Variants in PLPP1 observed in about 807,000 individuals in gnomAD.
The protein encoded by PLPP1 is phospholipid phosphatase 1.
PLPP1 carries 24 observed loss-of-function variants against 31.2 expected under a neutral mutation model. The ratio of observed to expected loss-of-function variants is 0.77; its 90% CI spans 0.56 to 1.08. PLPP1 has a LOEUF of 1.08. Ranked by LOEUF, PLPP1 falls within the 50% of genes least tolerant of loss-of-function variation. The pLI is 0.00. For synonymous variants in PLPP1, 146 were observed against 126.3 expected (o/e 1.16, Z -1.05); for missense variants, 319 against 342.7 (o/e 0.93, Z 0.55).
At chr5:55,429,449 C>T (rs1452818609) in intron 4 of PLPP1, among the ~76,000 whole-genome samples, 1 of 152,032 alleles carries the variant, frequency 6.6e-6, no homozygotes, top group Non-Finnish European at 1.5e-5. Context: ...TGGGGAGGCT[C>T]CCCCATGCTG....
chr5:55,471,202 A>AT (rs113348948), intron 2 of PLPP1, among the ~76,000 whole-genome samples: 2,615 of 139,596 alleles, frequency 0.019, 42 homozygotes, highest in African/African-American at 0.051. Flanking sequence ...ATCAGATCAG[A>AT]TTTTTTTTTT....
chr5:55,478,431 C>A (rs913929130), intron 1 of PLPP1, among the ~76,000 whole-genome samples: 10 of 151,956 alleles, frequency 6.6e-5, no homozygotes, highest in African/African-American at 2.2e-4. Flanking sequence ...TCTGAATGTT[C>A]GAAAGAAAAG....
Position 55,525,770 on chromosome 5 carries a change from C to A in PLPP1, c.58+8802G>T, listed in dbSNP as rs1740412093. ...AAGTACAGTGGGGAGGAAGGAATGA[C>A]AATGAAAAAGAAGGTAAAAGGAGAA... On this transcript the variant is annotated intron_variant, in intron 1 of 5. Transcript: ENST00000307259. Among the ~76,000 whole-genome samples the A allele has an allele frequency of 6.6e-5, 10 of 151,312 alleles. 2 individuals carry two copies. The South Asian group carries it at 1.9e-3, about 28-fold the overall frequency.
At chr5:55,518,463 T>C (rs1193894635) in intron 1 of PLPP1, among the ~76,000 whole-genome samples, 2 of 152,142 alleles carry the variant, frequency 1.3e-5, no homozygotes, top group Non-Finnish European at 2.9e-5. Context: ...CCGGCCTTTT[T>C]TCATTTTTTA....
At chr5:55,524,020 C>A (rs1283911173) in intron 1 of PLPP1, among the ~76,000 whole-genome samples, 1 of 152,150 alleles carries the variant, frequency 6.6e-6, no homozygotes, top group African/African-American at 2.4e-5. Flanking sequence ...CAGCTCCTAG[C>A]ATTGTATTAC....
intron 2 of PLPP1, among the ~76,000 whole-genome samples, chr5:55,468,627 C>A (rs909128299): frequency 1.3e-5 from 2 of 152,006 alleles, no homozygotes; most frequent in Admixed American, 6.6e-5. Context: ...CATGGTAAAA[C>A]CCTGTCTCTA....
At chr5:55,505,729 T>C (rs1024579022) in intron 1 of PLPP1, among the ~76,000 whole-genome samples, 7 of 152,134 alleles carry the variant, frequency 4.6e-5, no homozygotes, top group Non-Finnish European at 1.5e-5. Context: ...AAATACCACA[T>C]GAAAATTGTA....
intron 1 of PLPP1, among the ~76,000 whole-genome samples, chr5:55,532,589 ATT>A (rs1389189869): frequency 6.6e-6 from 1 of 152,188 alleles, no homozygotes; most frequent in Non-Finnish European, 1.5e-5. Flanking sequence ...ATGAAAGGTA[ATT>A]TTTTGTTGCA....
At chr5:55,518,124 C>T (rs547065288) in intron 1 of PLPP1, among the ~76,000 whole-genome samples, 21 of 152,282 alleles carry the variant, frequency 1.4e-4, no homozygotes, top group African/African-American at 1.2e-4. Flanking sequence ...TGGGCCACCG[C>T]ACCCAGCCCT....
rs145109210 is a variant in PLPP1 at position 55,474,372 on chromosome 5, G to C, written c.210+927C>G. Among the ~76,000 whole-genome samples the C allele has an allele frequency of 1.3e-3, 203 of 152,272 alleles. 2 individuals carry two copies. In the Middle Eastern group the frequency reaches 0.024, roughly 18 times the overall value. ...CAGCAGAGCCATGCAGTGGAAGCAT[G>C]CTGGAACCATAATATTACAAGCTAT... On this transcript the variant is annotated intron_variant, in intron 2 of 5. Transcript: ENST00000307259.
chr5:55,473,965 A>C (rs1357556540), intron 2 of PLPP1, among the ~76,000 whole-genome samples: 1 of 144,574 alleles, frequency 6.9e-6, no homozygotes, highest in Non-Finnish European at 1.5e-5. Context: ...CACCACATCC[A>C]CCATATTTTC....
chr5:55,495,132 CAAAAAAAAA>C (rs36000140), intron 1 of PLPP1, among the ~76,000 whole-genome samples: 1 of 114,198 alleles, frequency 8.8e-6, no homozygotes, highest in East Asian at 2.5e-4. Context: ...ACTCTGTCTC[CAAAAAAAAA>C]AAAAAAAAAT....
At chr5:55,502,947 T>C (rs1753178252) in intron 1 of PLPP1, among the ~76,000 whole-genome samples, 1 of 152,182 alleles carries the variant, frequency 6.6e-6, no homozygotes, top group Admixed American at 6.5e-5. Context: ...CGCCTTCATG[T>C]AAAGGGAAGC....
chr5:55,514,483 T>G (rs1216911703), intron 1 of PLPP1, among the ~76,000 whole-genome samples: 1 of 152,202 alleles, frequency 6.6e-6, no homozygotes, highest in Non-Finnish European at 1.5e-5. Flanking sequence ...AAAAAAAATT[T>G]TAAATCTTAA....
chr5:55,467,974 T>C lies in PLPP1; in HGVS notation c.386A>G (p.His129Arg). ...ATCTGGATCACAAACATCCAAGAAGTGAGGCCGCAGTCTGCCTATTGAATA... is the reference window on the plus strand; with the variant it reads ...ATCTGGATCACAAACATCCAAGAAGCGAGGCCGCAGTCTGCCTATTGAATA... The part of the protein sequence containing the change: ...AKYSIGRLRP[H>R]FLDVCDPDWS... The change falls in exon 3 of 6, where the codon CAC (histidine) becomes CGC (arginine). Residue 129 changes from histidine (H) to arginine (R), a missense_variant. Transcript: ENST00000307259. 1 of 1,614,172 alleles carries C rather than the reference T, an allele frequency of 6.2e-7. No homozygotes were observed. Among genetic ancestry groups the C allele is most frequent in the East Asian group, 2.2e-5 (1 of 44,884 alleles).
chr5:55,443,192 A>AAAAAAAATATATATAT, intron 3 of PLPP1, among the ~76,000 whole-genome samples: 6 of 25,428 alleles, frequency 2.4e-4, no homozygotes, highest in South Asian at 2.5e-3. Context: ...AAAAAAAAAA[A>AAAAAAAATATATATAT]ATATATATAT....
intron 1 of PLPP1, among the ~76,000 whole-genome samples, chr5:55,504,016 T>C (rs1753206998): frequency 6.6e-6 from 1 of 151,864 alleles, no homozygotes; most frequent in Non-Finnish European, 1.5e-5. Flanking sequence ...GGCTCACACC[T>C]GTCATCTCAG....
intron 3 of PLPP1, among the ~76,000 whole-genome samples, chr5:55,457,767 T>C (rs1261094134): frequency 1.3e-5 from 2 of 151,774 alleles, no homozygotes; most frequent in Non-Finnish European, 2.9e-5. Context: ...CGGGCGCCTG[T>C]AGTCCCAGCT....
intron 2 of PLPP1, among the ~76,000 whole-genome samples, chr5:55,474,870 A>G (rs1752501322): frequency 6.6e-6 from 1 of 152,200 alleles, no homozygotes; most frequent in South Asian, 2.1e-4. Flanking sequence ...TAACAATCAC[A>G]GTGACATGGA....
Sources: allele counts gnomAD v4.1 joint callset (sites outside exome capture counted in the v4.1 genomes callset), GRCh38; gene constraint gnomAD v4.1.1; transcripts MANE v1.5; gene names NCBI Gene and HGNC (gene_info 2026-07-23, HGNC 2026-07-21).